The following CELF4 variants were observed in gnomAD, a reference collection of about 807,000 sequenced individuals.
CELF4 encodes CUGBP Elav-like family member 4.
CELF4 carries 18 observed loss-of-function variants against 59.9 expected under a neutral mutation model. The ratio of observed to expected loss-of-function variants is 0.30; its 90% CI spans 0.21 to 0.45. CELF4 has a LOEUF of 0.45. Ranked by LOEUF, CELF4 falls within the 20% of genes least tolerant of loss-of-function variation. The pLI is 1.00. For missense variants in CELF4, 456 were observed against 689.0 expected (o/e 0.66, Z 3.79); for synonymous variants, 261 against 267.1 (o/e 0.98, Z 0.22).
At chr18:37,356,458 G>C (rs2098577263) in intron 2 of CELF4, among the ~76,000 whole-genome samples, 1 of 152,272 alleles carries the variant, frequency 6.6e-6, no homozygotes, top group Non-Finnish European at 1.5e-5. Context: ...AGAGGTGCTG[G>C]GAAGGTCAAA....
intron 3 of CELF4, among the ~76,000 whole-genome samples, chr18:37,289,043 A>C (rs1019271172): frequency 6.6e-6 from 1 of 152,200 alleles, no homozygotes; most frequent in Non-Finnish European, 1.5e-5. Flanking sequence ...AGTATTCAAC[A>C]AACTATGCAC....
intron 2 of CELF4, among the ~76,000 whole-genome samples, chr18:37,332,608 C>T (rs907974069): frequency 6.6e-6 from 1 of 152,204 alleles, no homozygotes; most frequent in Non-Finnish European, 1.5e-5. Flanking sequence ...AAAAGAGGTG[C>T]CCCTCACAGT....
chr18:37,363,035 A>C (rs916059278), intron 2 of CELF4, among the ~76,000 whole-genome samples: 3 of 151,870 alleles, frequency 2.0e-5, no homozygotes, highest in Non-Finnish European at 4.4e-5. Context: ...CCTGAAACTC[A>C]TTTCTCCCAC....
At chr18:37,389,958 G>A (rs1333712771) in intron 2 of CELF4, among the ~76,000 whole-genome samples, 1 of 152,206 alleles carries the variant, frequency 6.6e-6, no homozygotes, top group African/African-American at 2.4e-5. Flanking sequence ...AGATCCTTCA[G>A]GGATGGGCCC....
At chr18:37,394,282 G>A (rs11663048) in intron 2 of CELF4, among the ~76,000 whole-genome samples, 52,000 of 152,198 alleles carry the variant, frequency 0.34, 9,484 homozygotes, top group Non-Finnish European at 0.4. Context: ...AGAGGGACGC[G>A]GGGCGGGAGG....
At chr18:37,444,118 A>G (rs1031177674) in intron 2 of CELF4, among the ~76,000 whole-genome samples, 6 of 152,106 alleles carry the variant, frequency 3.9e-5, no homozygotes, top group African/African-American at 1.4e-4. Flanking sequence ...ATGAGTTAAC[A>G]TATGCAAAAT....
At chr18:37,378,055 T>C (rs987046126) in intron 2 of CELF4, among the ~76,000 whole-genome samples, 1 of 152,046 alleles carries the variant, frequency 6.6e-6, no homozygotes, top group Non-Finnish European at 1.5e-5. Flanking sequence ...TCGTGCTGGG[T>C]AGGGGAAGAT....
chr18:37,353,157 G>C lies in CELF4; in HGVS notation c.370-31276C>G, dbSNP rs534489876. Among the ~76,000 whole-genome samples the C allele has an allele frequency of 9.6e-4, 142 of 148,284 alleles. 2 individuals are homozygous for C. The highest frequency in any genetic ancestry group is 1.4e-3 in the East Asian group (7 of 4,970). ...AATTGCTTGAACCCGGGAGGCGGAA[G>C]TTGCAGTGAGCCGAGATTGCGCCAC... On this transcript the variant is annotated intron_variant, in intron 2 of 12. Transcript: ENST00000420428.
chr18:37,421,765 T>C (rs997962261), intron 2 of CELF4, among the ~76,000 whole-genome samples: 1 of 152,204 alleles, frequency 6.6e-6, no homozygotes, highest in African/African-American at 2.4e-5. Flanking sequence ...AGCAAAAGAA[T>C]GGCCAAGCCA....
Position 37,243,217 on chromosome 18 carries a change from A to ATTTTT in CELF4, c.*2024_*2025insAAAAA. Reference sequence around the variant, plus strand: ...TTTTTTTTTTTTTTTACATCTGGACATCCTAAAAGGAGGAGTCAAGAGAAA... The same window carrying ATTTTT: ...TTTTTTTTTTTTTTTACATCTGGACATTTTTTCCTAAAAGGAGGAGTCAAGAGAAA... On this transcript the variant is annotated 3_prime_UTR_variant, in exon 13 of 13. Coordinates refer to ENST00000420428, the MANE Select transcript of CELF4 (RefSeq NM_020180.4). The ATTTTT allele has an allele frequency of 8.3e-6, 1 of 120,214 alleles. No homozygotes were observed. The highest frequency in any genetic ancestry group is 3.3e-5 in the African/African-American group (1 of 29,984). The allele number at this position is 120,214 out of a possible 1,614,324, so 7.4% of individuals were successfully genotyped here.
At chr18:37,376,901 T>C (rs2098976290) in intron 2 of CELF4, among the ~76,000 whole-genome samples, 1 of 151,892 alleles carries the variant, frequency 6.6e-6, no homozygotes, top group Admixed American at 6.6e-5. Flanking sequence ...AGCCCCTCCC[T>C]ACCTCTGGGT....
intron 2 of CELF4, among the ~76,000 whole-genome samples, chr18:37,383,908 T>C (rs2154570673): frequency 6.6e-6 from 1 of 152,182 alleles, no homozygotes; most frequent in Middle Eastern, 3.4e-3. Flanking sequence ...GAATTCTCCC[T>C]AAATCCACCA....
At chr18:37,372,177 C>T (rs1010201837) in intron 2 of CELF4, among the ~76,000 whole-genome samples, 2 of 152,194 alleles carry the variant, frequency 1.3e-5, no homozygotes, top group Admixed American at 1.3e-4. Flanking sequence ...AAGACACGTG[C>T]ACACGTATGT....
intron 2 of CELF4, among the ~76,000 whole-genome samples, chr18:37,375,185 C>T (rs115877020): frequency 0.017 from 2,652 of 152,202 alleles, 29 homozygotes; most frequent in Middle Eastern, 0.02. Flanking sequence ...ACCTCCTTGC[C>T]GCAGAGTATA....
chr18:37,311,315 T>C (rs1460718656), intron 3 of CELF4, among the ~76,000 whole-genome samples: 2 of 152,234 alleles, frequency 1.3e-5, no homozygotes, highest in Admixed American at 1.3e-4. Flanking sequence ...CTGGTGCCTC[T>C]GCAGGGCCCT....
intron 2 of CELF4, among the ~76,000 whole-genome samples, chr18:37,457,660 C>T (rs376081219): frequency 6.6e-6 from 1 of 152,136 alleles, no homozygotes; most frequent in Non-Finnish European, 1.5e-5. Flanking sequence ...CATCCCGCAG[C>T]CCGAAGACCA....
chr18:37,292,057 G>A (rs543541075), intron 3 of CELF4, among the ~76,000 whole-genome samples: 1 of 152,092 alleles, frequency 6.6e-6, no homozygotes, highest in East Asian at 1.9e-4. Flanking sequence ...AGAGGCCTGA[G>A]GGAGTTTGTT....
chr18:37,289,286 G>A (rs191168736), intron 3 of CELF4, among the ~76,000 whole-genome samples: 2 of 152,232 alleles, frequency 1.3e-5, no homozygotes, highest in East Asian at 1.9e-4. Context: ...AGGCTGCACT[G>A]CCTCTCTAGG....
At chr18:37,262,599 G>A (rs2075401355) in intron 10 of CELF4, among the ~76,000 whole-genome samples, 1 of 152,268 alleles carries the variant, frequency 6.6e-6, no homozygotes, top group Admixed American at 6.5e-5. Context: ...CTGTGTGAAG[G>A]GTGGGGCAGG....
Sources: allele counts gnomAD v4.1 joint callset (sites outside exome capture counted in the v4.1 genomes callset), GRCh38; gene constraint gnomAD v4.1.1; transcripts MANE v1.5; gene names NCBI Gene and HGNC (gene_info 2026-07-23, HGNC 2026-07-21).